SPATS2L: variants seen among roughly 807,000 people sequenced by gnomAD.
SPATS2L encodes the protein SPATS2-like protein.
A neutral mutation model predicts 59.6 loss-of-function variants in SPATS2L; 30 were observed. The ratio of observed to expected loss-of-function variants is 0.50; its 90% confidence interval spans 0.38 to 0.68. SPATS2L has a LOEUF of 0.68. Ranked by LOEUF, SPATS2L falls within the 30% of genes least tolerant of loss-of-function variation. The pLI, the probability that SPATS2L is intolerant of heterozygous loss-of-function variation, is 0.00. For missense variants in SPATS2L, 615 were observed against 700.0 expected (o/e 0.88, Z 1.37); for synonymous variants, 252 against 263.5 (o/e 0.96, Z 0.42).
chr2:200,403,788 C>A (rs2082606026), intron 3 of SPATS2L, among the ~76,000 whole-genome samples: 1 of 151,822 alleles, frequency 6.6e-6, no homozygotes, highest in Non-Finnish European at 1.5e-5. Flanking sequence ...CAGATCTGTG[C>A]AGTCCAGCAC....
intron 2 of SPATS2L, among the ~76,000 whole-genome samples, chr2:200,336,059 T>C (rs1041670260): frequency 3.9e-5 from 6 of 152,204 alleles, no homozygotes; most frequent in Non-Finnish European, 8.8e-5. Context: ...CCTCACAAAC[T>C]AGCAGAATTT....
At chr2:200,351,092 A>G (rs553674147) in intron 2 of SPATS2L, 2 of 379,074 alleles carry the variant, frequency 5.3e-6, no homozygotes, top group Admixed American at 3.2e-5. Flanking sequence ...ATGGTTCACA[A>G]TCATGTTTAT....
At position 200,390,670 on chromosome 2, in the gene SPATS2L, A is replaced by T. The variant is rs539327603; in HGVS notation, c.39+1387A>T. ...GTGTGGTAGACAAAGGTGATTGGTG[A>T]TGGGAGATGAAGTCCAAGAATACCA... On this transcript the variant is annotated intron_variant, in intron 3 of 12. Coordinates refer to ENST00000409140, the MANE Select transcript of SPATS2L (RefSeq NM_001100423.2). 7.9e-5 allele frequency: 12 copies of T among 152,398 alleles called. No homozygotes were observed. The East Asian group carries it at 2.3e-3, about 29-fold the overall frequency. 9.4% of individuals were successfully genotyped at this position (152,398 alleles called of 1,614,324 possible). A position where few individuals can be genotyped will look rare whatever the true frequency, so the allele number is the denominator to read the frequency against.
intron 1 of SPATS2L, among the ~76,000 whole-genome samples, chr2:200,327,484 A>G (rs114184944): frequency 0.014 from 2,103 of 152,244 alleles, 48 homozygotes; most frequent in African/African-American, 0.045. Context: ...GATGGAATTT[A>G]CCAAAGTGCT....
At chr2:200,379,539 G>A (rs1163837452) in intron 2 of SPATS2L, among the ~76,000 whole-genome samples, 1 of 152,154 alleles carries the variant, frequency 6.6e-6, no homozygotes, top group Non-Finnish European at 1.5e-5. Context: ...TAGCTAAAGA[G>A]ATGGGGGAAG....
At chr2:200,329,052 G>A (rs1193393125) in intron 1 of SPATS2L, among the ~76,000 whole-genome samples, 1 of 152,150 alleles carries the variant, frequency 6.6e-6, no homozygotes, top group Non-Finnish European at 1.5e-5. Flanking sequence ...TCAGAGTATT[G>A]AAGAGTTAGC....
rs544829998 is a variant in SPATS2L at position 200,473,123 on chromosome 2, C to G, written c.1281+71C>G. The stretch of plus-strand genomic sequence containing the variant: ...ACCTGTTTCCAGAGGAAGAAAACAG[C>G]AACTACTAGATTCTGGGCCTCCTGG... On this transcript the variant is annotated intron_variant, in intron 12 of 12. Transcript: ENST00000409140. 3.5e-6 allele frequency: 5 copies of G among 1,410,216 alleles called. No homozygotes were observed. The African/African-American group carries it at 5.8e-5, about 16-fold the overall frequency. 87.4% of individuals were successfully genotyped at this position (1,410,216 alleles called of 1,614,324 possible). A position where few individuals can be genotyped will look rare whatever the true frequency, so the allele number is the denominator to read the frequency against.
intron 2 of SPATS2L, among the ~76,000 whole-genome samples, chr2:200,367,999 G>T (rs296789): frequency 0.92 from 139,357 of 152,232 alleles, 64,012 homozygotes; most frequent in Middle Eastern, 0.97. Flanking sequence ...TTATAAAAAG[G>T]TTGAGAAACC....
At chr2:200,415,014 A>G (rs1271641509) in intron 4 of SPATS2L, among the ~76,000 whole-genome samples, 1 of 152,230 alleles carries the variant, frequency 6.6e-6, no homozygotes, top group African/African-American at 2.4e-5. Flanking sequence ...GCTATAAGTA[A>G]GTACTGCCCT....
intron 2 of SPATS2L, 111 bp downstream of exon 2, chr2:200,329,591 C>A: frequency 1.1e-6 from 1 of 890,784 alleles, no homozygotes; most frequent in Non-Finnish European, 1.8e-6. Flanking sequence ...TTGGCCGCCT[C>A]TGCTGCCTCT....
At chr2:200,327,961 T>A (rs1191556309) in intron 1 of SPATS2L, among the ~76,000 whole-genome samples, 2 of 152,162 alleles carry the variant, frequency 1.3e-5, no homozygotes, top group Non-Finnish European at 2.9e-5. Flanking sequence ...ACCAGCTGAG[T>A]TCTTGTCACT....
chr2:200,429,170 A>G (rs555431838), intron 6 of SPATS2L, among the ~76,000 whole-genome samples: 3 of 152,038 alleles, frequency 2.0e-5, no homozygotes, highest in African/African-American at 7.2e-5. Flanking sequence ...GGGCCCTCAT[A>G]CTGGCCATGT....
chr2:200,310,709 A>G (rs1052347805), intron 1 of SPATS2L, among the ~76,000 whole-genome samples: 4 of 152,184 alleles, frequency 2.6e-5, no homozygotes, highest in African/African-American at 9.7e-5. Context: ...TAACTTACCA[A>G]TGTTATTTTC....
intron 2 of SPATS2L, among the ~76,000 whole-genome samples, chr2:200,331,255 G>A (rs1319082324): frequency 6.6e-6 from 1 of 152,136 alleles, no homozygotes; most frequent in Admixed American, 6.6e-5. Flanking sequence ...GTTTATTTTC[G>A]ATGCAAGTGC....
chr2:200,350,776 C>T (rs1405708209), intron 2 of SPATS2L, among the ~76,000 whole-genome samples: 1 of 152,196 alleles, frequency 6.6e-6, no homozygotes, highest in Admixed American at 6.5e-5. Context: ...CTCAAGTGAT[C>T]TGCCCACTTC....
At chr2:200,356,494 G>GAA (rs542445513) in intron 2 of SPATS2L, among the ~76,000 whole-genome samples, 1 of 151,944 alleles carries the variant, frequency 6.6e-6, no homozygotes, top group South Asian at 2.1e-4. Flanking sequence ...TAGAAGGAGG[G>GAA]AAAAAAATGG....
intron 3 of SPATS2L, among the ~76,000 whole-genome samples, chr2:200,400,555 T>C (rs577717974): frequency 6.6e-6 from 1 of 152,346 alleles, no homozygotes; most frequent in Non-Finnish European, 1.5e-5. Context: ...AATTCTGATA[T>C]AAAAAGTTGA....
chr2:200,393,208 A>T (rs575367101), intron 3 of SPATS2L: 5 of 456,808 alleles, frequency 1.1e-5, no homozygotes, highest in South Asian at 7.7e-5. Flanking sequence ...AAGGAAAAGC[A>T]CTTTAAAGAA....
intron 2 of SPATS2L, chr2:200,378,335 G>C (rs2081672584): frequency 8.0e-6 from 8 of 1,002,562 alleles, no homozygotes; most frequent in Non-Finnish European, 8.4e-6. Flanking sequence ...AAACTGGACT[G>C]AGAGCCCTGA....
Sources: allele counts gnomAD v4.1 joint callset (sites outside exome capture counted in the v4.1 genomes callset), GRCh38; gene constraint gnomAD v4.1.1; transcripts MANE v1.5; gene names NCBI Gene and HGNC (gene_info 2026-07-23, HGNC 2026-07-21).